Variants in EYS observed in about 807,000 individuals in gnomAD.
EYS encodes the protein protein eyes shut homolog.
In EYS, 250 loss-of-function variants were observed where a neutral mutation model predicts 282.1. The ratio of observed to expected loss-of-function variants is 0.89; its 90% CI spans 0.80 to 0.98. The LOEUF (loss-of-function observed/expected upper bound fraction) is 0.98. Among genes scored for constraint, EYS ranks in the 50% least tolerant of loss-of-function variants. The probability of loss-of-function intolerance (pLI) is 0.00; values close to 1 mark genes in which losing one functional copy is unlikely to be tolerated. For missense variants in EYS, 4,016 were observed against 3,709.0 expected (o/e 1.08, Z -2.15); for synonymous variants, 1,355 against 1,282.9 (o/e 1.06, Z -1.20).
At chr6:64,595,463 A>G (rs1384326278) in intron 24 of EYS, among the ~76,000 whole-genome samples, 1 of 152,172 alleles carries the variant, frequency 6.6e-6, no homozygotes, top group Non-Finnish European at 1.5e-5. Context: ...AGAGAAATAA[A>G]GAGCATTAAA....
intron 31 of EYS, among the ~76,000 whole-genome samples, chr6:64,178,153 G>T (rs1562240164): frequency 6.6e-6 from 1 of 152,030 alleles, no homozygotes; most frequent in Non-Finnish European, 1.5e-5. Context: ...AGTTATTCTG[G>T]TGTGAATGTG....
intron 13 of EYS, among the ~76,000 whole-genome samples, chr6:65,023,319 C>T (rs1402626065): frequency 6.6e-6 from 1 of 151,674 alleles, no homozygotes; most frequent in African/African-American, 2.4e-5. Context: ...ATACCACATG[C>T]AATAAAAAAA....
intron 26 of EYS, among the ~76,000 whole-genome samples, chr6:64,499,407 T>A (rs542170109): frequency 6.6e-6 from 1 of 152,292 alleles, no homozygotes; most frequent in Non-Finnish European, 1.5e-5. Context: ...TTGTAAAGCA[T>A]ACTGTGGTTG....
At chr6:64,580,963 G>T (rs571641923) in intron 26 of EYS, among the ~76,000 whole-genome samples, 1 of 152,138 alleles carries the variant, frequency 6.6e-6, no homozygotes, top group African/African-American at 2.4e-5. Context: ...AGGAAATATG[G>T]GTAGGGAGAG....
In EYS at chr6:64,590,270, A is replaced by G; in HGVS notation, c.5597T>C (p.Leu1866Ser). Reference sequence around the variant, plus strand: ...TGCCAGAATGGATTCCAGTGAAGACAAAGTAAGAGATCTAGTGAAGGGAAG... The same window carrying G: ...TGCCAGAATGGATTCCAGTGAAGACGAAGTAAGAGATCTAGTGAAGGGAAG... ...RHLPFTRSLTLSSLESILAPQ... is the reference protein window; with the variant it reads ...RHLPFTRSLTSSSLESILAPQ... Residue 1866 changes from leucine (L) to serine (S), a missense_variant, in exon 26 of 43, where the codon TTG (leucine) becomes TCG (serine). Transcript: ENST00000503581. 6.4e-7 allele frequency: 1 copy of G among 1,550,892 alleles called. No individual in the cohort carries two copies. The highest frequency in any genetic ancestry group is 8.7e-7 in the Non-Finnish European group (1 of 1,146,476).
rs1277242999 is a variant in EYS, at chr6:64,591,074, G to T, written c.4793C>A (p.Ala1598Glu). 2 of 1,551,136 alleles carry T rather than the reference G, an allele frequency of 1.3e-6. No individual in the cohort carries two copies. Among genetic ancestry groups the T allele is most frequent in the South Asian group, 1.2e-5 (1 of 84,064 alleles). ...MNSAILASWY[A>E]LMGAQTITSG... is the part of the protein sequence containing the mutation. ...AGTGATAGTTTGAGCTCCCATTAGT[G>T]CATACCAGCTGGCTAATATCGCTGA... Residue 1598 changes from alanine to glutamate, a missense_variant, in exon 26 of 43, where the codon GCA becomes GAA. By Grantham distance (107) the Ala-to-Glu change is moderately radical. Coordinates refer to ENST00000503581, the MANE Select transcript of EYS (RefSeq NM_001142800.2).
chr6:65,345,712 A>G (rs976804733), intron 9 of EYS, among the ~76,000 whole-genome samples: 2 of 151,702 alleles, frequency 1.3e-5, no homozygotes. Flanking sequence ...TTTAACTCTT[A>G]ACGTCTTCCC....
intron 14 of EYS, among the ~76,000 whole-genome samples, chr6:64,952,407 C>A (rs11962112): frequency 1.3e-5 from 2 of 151,892 alleles, no homozygotes; most frequent in Non-Finnish European, 2.9e-5. Context: ...ACCTGCCCAA[C>A]GAGGGTATAA....
At chr6:65,446,152 G>A (rs532254266) in intron 5 of EYS, among the ~76,000 whole-genome samples, 2 of 151,544 alleles carry the variant, frequency 1.3e-5, no homozygotes, top group Non-Finnish European at 3.0e-5. Flanking sequence ...CAAATTTATA[G>A]TTTATCATTT....
chr6:65,068,658 A>G (rs1019022938), intron 12 of EYS, among the ~76,000 whole-genome samples: 2 of 151,922 alleles, frequency 1.3e-5, no homozygotes, highest in Non-Finnish European at 1.5e-5. Flanking sequence ...GGCCAATACC[A>G]GTTTCTAGGT....
chr6:65,170,232 A>G (rs762155841), intron 12 of EYS, among the ~76,000 whole-genome samples: 2 of 151,368 alleles, frequency 1.3e-5, no homozygotes, highest in African/African-American at 2.4e-5. Flanking sequence ...GTGCACGCAC[A>G]CACACACACA....
intron 37 of EYS, among the ~76,000 whole-genome samples, chr6:63,805,714 GT>G (rs1770888344): frequency 1.3e-5 from 2 of 152,168 alleles, no homozygotes; most frequent in African/African-American, 4.8e-5. Context: ...CATGGGGGTG[GT>G]TTTCCTCATG....
intron 12 of EYS, among the ~76,000 whole-genome samples, chr6:65,247,109 C>T (rs1767199849): frequency 6.6e-6 from 1 of 152,024 alleles, no homozygotes; most frequent in South Asian, 2.1e-4. Flanking sequence ...ATTGTTTTAA[C>T]TAAGGCCTGA....
intron 12 of EYS, among the ~76,000 whole-genome samples, chr6:65,060,801 TAC>T (rs921956810): frequency 2.2e-5 from 3 of 138,408 alleles, no homozygotes; most frequent in Admixed American, 7.2e-5. Flanking sequence ...TATATATATA[TAC>T]ACACACATAC....
chr6:64,902,918 T>G (rs1198085746), intron 16 of EYS, among the ~76,000 whole-genome samples: 1 of 152,166 alleles, frequency 6.6e-6, no homozygotes, highest in East Asian at 1.9e-4. Context: ...GCAAATTATT[T>G]AATTGCTTTT....
At chr6:63,799,933 G>A (rs149545073) in intron 37 of EYS, among the ~76,000 whole-genome samples, 7 of 152,336 alleles carry the variant, frequency 4.6e-5, no homozygotes, top group Non-Finnish European at 8.8e-5. Flanking sequence ...GAACGAGAGC[G>A]ATGGATCTCA....
intron 13 of EYS, among the ~76,000 whole-genome samples, chr6:65,000,507 C>T (rs1389825746): frequency 2.0e-5 from 3 of 152,190 alleles, no homozygotes; most frequent in Non-Finnish European, 4.4e-5. Context: ...GCAGGTGGCT[C>T]ACACTTGTAA....
intron 26 of EYS, among the ~76,000 whole-genome samples, chr6:64,460,011 T>A (rs955903579): frequency 6.6e-6 from 1 of 151,944 alleles, no homozygotes; most frequent in African/African-American, 2.4e-5. Context: ...GTGCCAGGAC[T>A]CTTTCCTCAA....
At position 64,945,783 on chromosome 6, in the gene EYS, T is replaced by C. The variant is rs1207484094; in HGVS notation, c.2381+10A>G. On this transcript the variant is annotated intron_variant, in intron 15 of 42. Coordinates refer to ENST00000503581, the MANE Select transcript of EYS (RefSeq NM_001142800.2). ...AATTTCATGAAGAAAGCTAAAAATATGTTACTCACCGATAGCTTTTGTAAA... is the reference window on the plus strand; with the variant it reads ...AATTTCATGAAGAAAGCTAAAAATACGTTACTCACCGATAGCTTTTGTAAA... The C allele has an allele frequency of 1.3e-6, 2 of 1,548,614 alleles. No homozygotes were observed. Among genetic ancestry groups the C allele is most frequent in the Non-Finnish European group, 1.7e-6 (2 of 1,145,068 alleles).
Sources: gnomAD v4.1 joint callset for allele counts (sites outside exome capture counted in the v4.1 genomes callset) on GRCh38, gnomAD v4.1.1 for gene constraint, MANE v1.5 for transcripts, NCBI Gene and HGNC (gene_info 2026-07-23, HGNC 2026-07-21) for gene names.